Variants in EPHB1 observed in about 807,000 individuals in gnomAD.
EPHB1 encodes ephrin type-B receptor 1.
Under a neutral mutation model 94.4 loss-of-function variants are expected in EPHB1, and 30 were observed. That is an observed-to-expected ratio of 0.32 (90% confidence interval 0.24 to 0.43). The LOEUF is 0.43. EPHB1 is among the 20% of genes least tolerant of loss of function. The pLI, the probability that EPHB1 is intolerant of heterozygous loss-of-function variation, is 1.00. For synonymous variants in EPHB1, 522 were observed against 489.1 expected, an observed-to-expected ratio of 1.07 and a Z score of -0.89; for missense variants, 1,055 against 1,308.3, an observed-to-expected ratio of 0.81 and a Z score of 2.99.
intron 3 of EPHB1, among the ~76,000 whole-genome samples, chr3:134,961,769 G>T (rs1933529585): frequency 6.6e-6 from 1 of 152,142 alleles, no homozygotes; most frequent in Admixed American, 6.5e-5. Flanking sequence ...TTATTTCATT[G>T]CATGGATATA....
chr3:134,988,790 T>A (rs1934694026), intron 3 of EPHB1, among the ~76,000 whole-genome samples: 1 of 152,210 alleles, frequency 6.6e-6, no homozygotes, highest in South Asian at 2.1e-4. Flanking sequence ...CTTGGAGAAT[T>A]TCTGTTCTAG....
chr3:135,081,127 G>A (rs1254802262), intron 3 of EPHB1, among the ~76,000 whole-genome samples: 2 of 152,188 alleles, frequency 1.3e-5, no homozygotes, highest in African/African-American at 2.4e-5. Flanking sequence ...GAAGGAGGAG[G>A]TTAGCTCAGG....
chr3:134,882,673 C>CTTCT (rs1193120568), intron 1 of EPHB1, among the ~76,000 whole-genome samples: 11 of 151,522 alleles, frequency 7.3e-5, no homozygotes, highest in African/African-American at 2.7e-4. Context: ...TCCTTCCTTC[C>CTTCT]TTCCTTCTTT....
chr3:135,155,787 CAAA>C (rs35095229), intron 6 of EPHB1, among the ~76,000 whole-genome samples: 1 of 59,454 alleles, frequency 1.7e-5, no homozygotes, highest in Admixed American at 2.2e-4. Flanking sequence ...AAGACTTTGT[CAAA>C]AAAAAAAAAA....
At chr3:134,837,380 C>T (rs1018130479) in intron 1 of EPHB1, among the ~76,000 whole-genome samples, 1 of 152,042 alleles carries the variant, frequency 6.6e-6, no homozygotes, top group Non-Finnish European at 1.5e-5. Flanking sequence ...TCTTAAAATC[C>T]AGTTTATTGT....
chr3:134,855,682 A>G lies in EPHB1; in HGVS notation c.58+59993A>G, dbSNP rs549340600. On this transcript the variant is annotated intron_variant, in intron 1 of 15. Transcript: ENST00000398015. ...TCTGATACATTTTTTCAGTATCTGT[A>G]GGCTGTTTTCCTTCCCATAGTCCTT... 1.6e-3 allele frequency among the ~76,000 whole-genome samples: 239 copies of G among 152,196 alleles called. 1 individual carries two copies. Among genetic ancestry groups the G allele is most frequent in the African/African-American group, 5.6e-3 (233 of 41,528 alleles).
chr3:134,807,380 C>A (rs1057000499), intron 1 of EPHB1, among the ~76,000 whole-genome samples: 1 of 152,080 alleles, frequency 6.6e-6, no homozygotes, highest in Non-Finnish European at 1.5e-5. Context: ...AGACTACAGG[C>A]TGTAATAGGG....
chr3:134,805,970 C>G (rs1034728930), intron 1 of EPHB1, among the ~76,000 whole-genome samples: 3 of 152,118 alleles, frequency 2.0e-5, no homozygotes, highest in Non-Finnish European at 2.9e-5. Flanking sequence ...TGGGTTCTAT[C>G]CTGATTGTCA....
intron 4 of EPHB1, among the ~76,000 whole-genome samples, chr3:135,119,971 G>A (rs1378459524): frequency 2.0e-5 from 3 of 152,108 alleles, no homozygotes; most frequent in Admixed American, 6.6e-5. Flanking sequence ...TCTAATTGGT[G>A]GTTCTGTCTG....
rs544275735 is a variant in EPHB1, at chr3:134,853,671, AGGT to A, written c.58+57986_58+57988del. Among the ~76,000 whole-genome samples, 9 of 152,326 alleles carry A rather than the reference AGGT, an allele frequency of 5.9e-5. 1 individual carries two copies. The South Asian group carries it at 1.9e-3, about 32-fold the overall frequency. On this transcript the variant is annotated intron_variant, in intron 1 of 15. Coordinates refer to ENST00000398015, the MANE Select transcript of EPHB1 (RefSeq NM_004441.5). ...GGTCTGTGTCTGAGTTCAAGATGGA[AGGT>A]GGTAGCCACAGTTACACAGATGGTG...
intron 4 of EPHB1, among the ~76,000 whole-genome samples, chr3:135,122,698 G>A (rs1248646427): frequency 2.0e-5 from 3 of 152,174 alleles, no homozygotes; most frequent in Non-Finnish European, 2.9e-5. Flanking sequence ...TTCCCAGAAT[G>A]TATAATCTAC....
intron 3 of EPHB1, among the ~76,000 whole-genome samples, chr3:135,084,124 C>A (rs1488683767): frequency 1.3e-5 from 2 of 152,010 alleles, no homozygotes; most frequent in African/African-American, 4.8e-5. Context: ...GAAAGAAAGA[C>A]CAAAGTGTGT....
chr3:135,113,085 G>A (rs973327530), intron 4 of EPHB1, among the ~76,000 whole-genome samples: 1 of 152,218 alleles, frequency 6.6e-6, no homozygotes, highest in Non-Finnish European at 1.5e-5. Context: ...TGTTCTCCTT[G>A]AGGTGAACTT....
At chr3:135,197,785 G>T (rs1305815669) in intron 11 of EPHB1, among the ~76,000 whole-genome samples, 1 of 151,574 alleles carries the variant, frequency 6.6e-6, no homozygotes, top group East Asian at 1.9e-4. Flanking sequence ...ATGGAGCCAG[G>T]TTCTTTCCCA....
In EPHB1 at chr3:134,908,610, A is replaced by G. The variant is rs72986042; in HGVS notation, c.59-17206A>G. On this transcript the variant is annotated intron_variant, in intron 1 of 15. Coordinates refer to ENST00000398015, the MANE Select transcript of EPHB1 (RefSeq NM_004441.5). The stretch of plus-strand genomic sequence containing the variant: ...GGCAGGGCTGGGAAAGGCCTGATAT[A>G]TTCCTGGCCAGAGCTGCAAACACTG... Among the ~76,000 whole-genome samples, 1,174 of 152,294 alleles carry G rather than the reference A, an allele frequency of 7.7e-3. 18 individuals are homozygous for G. The highest frequency in any genetic ancestry group is 0.025 in the African/African-American group (1,059 of 41,568).
chr3:134,825,544 G>C (rs552861224), intron 1 of EPHB1, among the ~76,000 whole-genome samples: 2 of 152,322 alleles, frequency 1.3e-5, no homozygotes, highest in South Asian at 4.1e-4. Context: ...TCTGTGAGCT[G>C]TGAATTCACC....
intron 1 of EPHB1, among the ~76,000 whole-genome samples, chr3:134,906,551 A>G (rs2038334458): frequency 6.6e-6 from 1 of 152,096 alleles, no homozygotes; most frequent in African/African-American, 2.4e-5. Flanking sequence ...CCAGGCCACA[A>G]CCCTTCACTA....
chr3:134,899,415 A>G (rs2038152746), intron 1 of EPHB1, among the ~76,000 whole-genome samples: 1 of 152,164 alleles, frequency 6.6e-6, no homozygotes, highest in Non-Finnish European at 1.5e-5. Context: ...CAGATCTTGC[A>G]TGCTTCAGTG....
intron 3 of EPHB1, among the ~76,000 whole-genome samples, chr3:135,095,679 C>G (rs947745388): frequency 6.6e-6 from 1 of 152,180 alleles, no homozygotes; most frequent in African/African-American, 2.4e-5. Flanking sequence ...ATCCCACCCA[C>G]CCCACACAGG....
Sources: gnomAD v4.1 joint callset for allele counts (sites outside exome capture counted in the v4.1 genomes callset) on GRCh38, gnomAD v4.1.1 for gene constraint, MANE v1.5 for transcripts, NCBI Gene and HGNC (gene_info 2026-07-23, HGNC 2026-07-21) for gene names.